The following ARID4B variants were observed in gnomAD, a reference collection of about 807,000 sequenced individuals.
The protein encoded by ARID4B is AT-rich interaction domain 4B.
A neutral mutation model predicts 147.5 loss-of-function variants in ARID4B; 26 were observed. The ratio of observed to expected loss-of-function variants is 0.18; its 90% CI spans 0.13 to 0.24. The LOEUF (loss-of-function observed/expected upper bound fraction) is 0.24. ARID4B is among the 10% of genes least tolerant of loss of function. The pLI, the probability that ARID4B is intolerant of heterozygous loss-of-function variation, is 1.00. For missense variants in ARID4B, 1,179 were observed against 1,511.5 expected, an observed-to-expected ratio of 0.78 and a Z score of 3.65; for synonymous variants, 512 against 507.9, an observed-to-expected ratio of 1.01 and a Z score of -0.11.
In ARID4B at chr1:235,255,219, C is replaced by CTATATATATAGA. The variant is rs370660682; in HGVS notation, c.274+440_274+441insTCTATATATATA. Among the ~76,000 whole-genome samples the CTATATATATAGA allele has an allele frequency of 2.0e-4, 25 of 127,632 alleles. 2 individuals are homozygous for CTATATATATAGA. Among genetic ancestry groups the CTATATATATAGA allele is most frequent in the South Asian group, 5.1e-4 (2 of 3,904 alleles). The allele number at this position is 127,632 out of a possible 152,430, so 83.7% of individuals were successfully genotyped here. On this transcript the variant is annotated intron_variant, in intron 5 of 23. Transcript: ENST00000264183. ...CTACTACTTTGTTTCCTGCTGGGAG[C>CTATATATATAGA]TAGATAGATAGATAGATAGATAGAT...
chr1:235,229,212 A>G lies in ARID4B; in HGVS notation c.897+19T>C. 1 of 1,605,838 alleles carries G rather than the reference A, an allele frequency of 6.2e-7. No homozygotes were observed. Among genetic ancestry groups the G allele is most frequent in the Non-Finnish European group, 8.5e-7 (1 of 1,177,566 alleles). On this transcript the variant is annotated intron_variant, in intron 11 of 23. Transcript: ENST00000264183. ...ACTGTTATTTATAATTTTAAAAGGTATCAACTGTTTTCACTTACTTCTTCT... is the reference window on the plus strand; with the variant it reads ...ACTGTTATTTATAATTTTAAAAGGTGTCAACTGTTTTCACTTACTTCTTCT...
chr1:235,301,262 G>A (rs957703311), intron 2 of ARID4B, among the ~76,000 whole-genome samples: 2 of 151,756 alleles, frequency 1.3e-5, no homozygotes, highest in Non-Finnish European at 2.9e-5. Flanking sequence ...TTAGTGCCCA[G>A]TGTGGTGGCT....
At chr1:235,324,636 C>T (rs1455484675) in intron 2 of ARID4B, among the ~76,000 whole-genome samples, 1 of 152,184 alleles carries the variant, frequency 6.6e-6, no homozygotes, top group Non-Finnish European at 1.5e-5. Flanking sequence ...GCTCAATGAT[C>T]ATCGTAATAC....
intron 17 of ARID4B, among the ~76,000 whole-genome samples, chr1:235,203,928 A>T (rs1558198028): frequency 6.6e-6 from 1 of 151,376 alleles, no homozygotes; most frequent in Admixed American, 6.6e-5. Flanking sequence ...TTTTAATCTG[A>T]CTATCTAAAA....
At chr1:235,183,336 G>A (rs1372239343) in intron 19 of ARID4B, among the ~76,000 whole-genome samples, 2 of 151,864 alleles carry the variant, frequency 1.3e-5, no homozygotes, top group East Asian at 3.9e-4. Context: ...AGCCTCCTGA[G>A]CAGCTGGGAC....
intron 19 of ARID4B, among the ~76,000 whole-genome samples, chr1:235,186,504 G>A (rs1254085504): frequency 1.3e-5 from 2 of 151,048 alleles, no homozygotes; most frequent in South Asian, 4.2e-4. Flanking sequence ...TCCACCTCCC[G>A]GGTTCAGGCA....
intron 11 of ARID4B, among the ~76,000 whole-genome samples, chr1:235,226,264 C>G (rs1263326197): frequency 6.6e-6 from 1 of 152,130 alleles, no homozygotes; most frequent in Non-Finnish European, 1.5e-5. Flanking sequence ...AGACAGCATT[C>G]CTAACTTTAA....
chr1:235,173,791 T>TAC, intron 22 of ARID4B, among the ~76,000 whole-genome samples: 1 of 67,750 alleles, frequency 1.5e-5, no homozygotes, highest in Non-Finnish European at 2.8e-5. Context: ...TATATATATA[T>TAC]ATATATATAT....
chr1:235,182,491 CCTT>C lies in ARID4B; in HGVS notation c.2425_2427del (p.Lys809del), dbSNP rs766815044. The C allele has an allele frequency of 8.1e-6, 13 of 1,613,530 alleles. No homozygotes were observed. The South Asian group carries it at 1.1e-4, about 14-fold the overall frequency. On this transcript the variant is annotated inframe_deletion, in exon 20 of 24. Coordinates refer to ENST00000264183, the MANE Select transcript of ARID4B (RefSeq NM_016374.6). ...GGTTTTGAAGATTTATCTGTTGTGT[CCTT>C]CTTGACATCCTTTCTCTTTTTTGTG...
At position 235,200,320 on chromosome 1, in the gene ARID4B, G is replaced by A. The variant is rs149045688; in HGVS notation, c.1842-4205C>T. Among the ~76,000 whole-genome samples the A allele has an allele frequency of 5.2e-3, 794 of 152,288 alleles. 7 individuals carry two copies. The highest frequency in any genetic ancestry group is 0.017 in the African/African-American group (719 of 41,562). On this transcript the variant is annotated intron_variant, in intron 17 of 23. Coordinates refer to ENST00000264183, the MANE Select transcript of ARID4B (RefSeq NM_016374.6). Reference sequence around the variant, plus strand: ...CTGAAAATACAAAAATCAGCCAGGCGTGGTAGCGGGCGCCTGTAGTCCTAG... The same window carrying A: ...CTGAAAATACAAAAATCAGCCAGGCATGGTAGCGGGCGCCTGTAGTCCTAG...
chr1:235,268,686 G>A (rs1040224664), intron 2 of ARID4B, among the ~76,000 whole-genome samples: 1 of 152,078 alleles, frequency 6.6e-6, no homozygotes, highest in Non-Finnish European at 1.5e-5. Flanking sequence ...TCGCCACCAT[G>A]TCCAGCTAAT....
chr1:235,221,556 C>G lies in ARID4B; in HGVS notation c.1163+9G>C. The G allele has an allele frequency of 6.7e-7, 1 of 1,497,638 alleles. No homozygotes were observed. 92.8% of individuals were successfully genotyped at this position (1,497,638 alleles called of 1,614,324 possible). A position where few individuals can be genotyped will look rare whatever the true frequency, so the allele number is the denominator to read the frequency against. On this transcript the variant is annotated intron_variant, in intron 14 of 23. Coordinates refer to ENST00000264183, the MANE Select transcript of ARID4B (RefSeq NM_016374.6). ...ACTGAAGATAATCATATCAATTATA[C>G]TAACTTACTTTTTATAAGCACATTT...
chr1:235,233,030 G>A (rs12725756), intron 9 of ARID4B, among the ~76,000 whole-genome samples: 44,715 of 151,918 alleles, frequency 0.29, 7,698 homozygotes, highest in South Asian at 0.54. Flanking sequence ...TAGAGACGGA[G>A]TTTTGCCATG....
intron 2 of ARID4B, among the ~76,000 whole-genome samples, chr1:235,298,455 TTA>T (rs1050547774): frequency 6.7e-6 from 1 of 149,906 alleles, no homozygotes; most frequent in African/African-American, 2.4e-5. Flanking sequence ...CCGTATTACA[TTA>T]TATATATCCA....
At chr1:235,234,019 C>CA (rs759250600) in intron 9 of ARID4B, among the ~76,000 whole-genome samples, 5 of 152,162 alleles carry the variant, frequency 3.3e-5, no homozygotes, top group Non-Finnish European at 7.3e-5. Flanking sequence ...GCAGAGGTTG[C>CA]AGTGAGCCGA....
chr1:235,252,475 T>C (rs1669705019), intron 6 of ARID4B, among the ~76,000 whole-genome samples: 1 of 152,140 alleles, frequency 6.6e-6, no homozygotes, highest in Admixed American at 6.5e-5. Context: ...AAAAACTGCC[T>C]AAAGATAATA....
chr1:235,309,397 G>A (rs187798211), intron 2 of ARID4B, among the ~76,000 whole-genome samples: 7 of 150,650 alleles, frequency 4.6e-5, no homozygotes, highest in East Asian at 2.0e-4. Context: ...GTCTCTGCCC[G>A]GCAGCCACCC....
intron 23 of ARID4B, among the ~76,000 whole-genome samples, chr1:235,170,266 C>T (rs1438397622): frequency 6.6e-6 from 1 of 152,192 alleles, no homozygotes; most frequent in African/African-American, 2.4e-5. Context: ...GGAGTTTTCA[C>T]ACTTACCATG....
At chr1:235,242,685 T>C (rs1234494124) in intron 7 of ARID4B, among the ~76,000 whole-genome samples, 2 of 152,248 alleles carry the variant, frequency 1.3e-5, no homozygotes. Context: ...GTAAAAATTG[T>C]AACTTTTCTT....
Sources: gnomAD v4.1 joint callset for allele counts (sites outside exome capture counted in the v4.1 genomes callset) on GRCh38, gnomAD v4.1.1 for gene constraint, MANE v1.5 for transcripts, NCBI Gene and HGNC (gene_info 2026-07-23, HGNC 2026-07-21) for gene names.